The following USP53 variants were observed in gnomAD, a reference collection of about 807,000 sequenced individuals.
USP53 encodes the protein ubiquitin carboxyl-terminal hydrolase 53.
A neutral mutation model predicts 94.9 loss-of-function variants in USP53; 71 were observed. The ratio of observed to expected loss-of-function variants is 0.75; its 90% CI spans 0.62 to 0.91. The LOEUF (loss-of-function observed/expected upper bound fraction) is 0.91. USP53 is among the 40% of genes least tolerant of loss of function. The probability of loss-of-function intolerance (pLI) is 0.00; values close to 1 mark genes in which losing one functional copy is unlikely to be tolerated. For synonymous variants in USP53, 375 were observed against 422.7 expected (o/e 0.89, Z 1.39); for missense variants, 1,173 against 1,281.0 (o/e 0.92, Z 1.29).
chr4:119,248,709 G>A, intron 6 of USP53, 39 bp from the exon 7 acceptor site: 5 of 1,589,684 alleles, frequency 3.1e-6, no homozygotes, highest in Non-Finnish European at 4.3e-6. Flanking sequence ...TGTCGTTAAA[G>A]CTGGCATTAA....
chr4:119,277,904 C>T (rs1281885383), intron 17 of USP53, among the ~76,000 whole-genome samples: 3 of 128,404 alleles, frequency 2.3e-5, no homozygotes, highest in African/African-American at 5.8e-5. Context: ...TCTGTTTTAT[C>T]AGAGACTAGG....
intron 2 of USP53, among the ~76,000 whole-genome samples, chr4:119,216,486 T>C (rs910619317): frequency 6.6e-6 from 1 of 152,310 alleles, no homozygotes. Flanking sequence ...AGTCACTTTA[T>C]CTTTCTTTCT....
rs1031014736 is a variant in USP53, at chr4:119,269,597, A to C, written c.1289-94A>C. ...ATCTACATATCTATGCTCTTTTTAA[A>C]TATATCTTAACATTTTTATATAGAT... On this transcript the variant is annotated intron_variant, in intron 14 of 18. Transcript: ENST00000692078. 5 of 859,890 alleles carry C rather than the reference A, an allele frequency of 5.8e-6. No homozygotes were observed. The African/African-American group carries it at 8.9e-5, about 15-fold the overall frequency. 53.3% of individuals were successfully genotyped at this position (859,890 alleles called of 1,614,324 possible). A position where few individuals can be genotyped will look rare whatever the true frequency, so the allele number is the denominator to read the frequency against.
At chr4:119,242,699 T>G (rs1747702021) in intron 5 of USP53, among the ~76,000 whole-genome samples, 1 of 152,250 alleles carries the variant, frequency 6.6e-6, no homozygotes. Flanking sequence ...CTCATTTACA[T>G]GGCTAATTCT....
At chr4:119,279,981 C>G (rs2149453498) in intron 17 of USP53, among the ~76,000 whole-genome samples, 1 of 152,320 alleles carries the variant, frequency 6.6e-6, no homozygotes. Flanking sequence ...CGCACACCCA[C>G]TGGCCTGCGC....
rs80247858 is a variant in USP53 at position 119,289,475 on chromosome 4, C to T, written c.2252-1690C>T. Among the ~76,000 whole-genome samples, 167 of 152,238 alleles carry T rather than the reference C, an allele frequency of 1.1e-3. 2 individuals are homozygous for T. In the East Asian group the frequency reaches 0.028, roughly 26 times the overall value. Reference sequence around the variant, plus strand: ...CTCTGAAAGGGTCTCGGAGACCTCCCGGGGTCCAAGGCCACACTTCGAGAA... The same window carrying T: ...CTCTGAAAGGGTCTCGGAGACCTCCTGGGGTCCAAGGCCACACTTCGAGAA... On this transcript the variant is annotated intron_variant, in intron 17 of 18. Coordinates refer to ENST00000692078, the MANE Select transcript of USP53 (RefSeq NM_001371395.1).
At chr4:119,268,553 T>A in intron 14 of USP53, 133 bp downstream of exon 14, 6 of 911,932 alleles carry the variant, frequency 6.6e-6, no homozygotes, top group Non-Finnish European at 9.5e-6. Context: ...ATTCGTCTTT[T>A]GATTTATGCA....
At position 119,239,883 on chromosome 4, in the gene USP53, T is replaced by A; in HGVS notation, c.124T>A (p.Phe42Ile). The change falls in exon 5 of 19, where the codon TTT (phenylalanine) becomes ATT (isoleucine). Residue 42 changes from phenylalanine (F) to isoleucine (I), a missense_variant. Transcript: ENST00000692078. Reference sequence around the variant, plus strand: ...AAATGAACCAGGACAAAACAGCTGCTTTCTTAATAGCGCTGTACAGGTGAG... The same window carrying A: ...AAATGAACCAGGACAAAACAGCTGCATTCTTAATAGCGCTGTACAGGTGAG... ...LLNEPGQNSC[F>I]LNSAVQVLWQ... 6.2e-7 allele frequency: 1 copy of A among 1,606,064 alleles called. No homozygotes were observed.
chr4:119,272,352 T>C (rs1166221310), intron 16 of USP53: 5 of 198,376 alleles, frequency 2.5e-5, no homozygotes. Flanking sequence ...CAACAATTGA[T>C]TGGTTTTAAA....
At chr4:119,255,618 C>T (rs764580997) in intron 7 of USP53, among the ~76,000 whole-genome samples, 7 of 152,306 alleles carry the variant, frequency 4.6e-5, no homozygotes, top group East Asian at 1.9e-4. Context: ...CTCAGTATTT[C>T]GGCAGGAGTG....
chr4:119,253,734 G>T (rs1749362889), intron 7 of USP53, among the ~76,000 whole-genome samples: 3 of 152,118 alleles, frequency 2.0e-5, no homozygotes, highest in African/African-American at 7.2e-5. Flanking sequence ...GGTTAATATT[G>T]TTATGTGTGA....
intron 5 of USP53, among the ~76,000 whole-genome samples, chr4:119,241,489 A>G (rs1167735971): frequency 6.9e-6 from 1 of 145,010 alleles, no homozygotes; most frequent in African/African-American, 2.6e-5. Flanking sequence ...ATTTTCACTC[A>G]TTAAAGATGG....
chr4:119,269,584 A>G (rs1443775368), intron 14 of USP53, 107 bp from the exon 15 acceptor site: 3 of 729,164 alleles, frequency 4.1e-6, no homozygotes, highest in Non-Finnish European at 3.9e-6. Context: ...CTACATATCT[A>G]TGCTCTTTTT....
intron 3 of USP53, among the ~76,000 whole-genome samples, chr4:119,223,167 A>C (rs1744778167): frequency 6.6e-6 from 1 of 152,212 alleles, no homozygotes; most frequent in Admixed American, 6.5e-5. Flanking sequence ...TGCCCAATTA[A>C]AGGAAGCTTA....
chr4:119,275,629 G>T (rs897306914), intron 17 of USP53, among the ~76,000 whole-genome samples: 1 of 151,796 alleles, frequency 6.6e-6, no homozygotes, highest in African/African-American at 2.4e-5. Context: ...TTCCAATTCT[G>T]TGAAGAAAGT....
At chr4:119,227,952 C>A (rs778678412) in intron 3 of USP53, among the ~76,000 whole-genome samples, 7 of 152,144 alleles carry the variant, frequency 4.6e-5, no homozygotes, top group Non-Finnish European at 8.8e-5. Context: ...AGTATGAGTC[C>A]ATTTATGAGA....
chr4:119,220,073 A>T (rs1344697199), intron 3 of USP53: 1 of 152,204 alleles, frequency 6.6e-6, no homozygotes, highest in Non-Finnish European at 1.5e-5. Context: ...GCCTTACAGA[A>T]ATTTTAATAA....
intron 17 of USP53, among the ~76,000 whole-genome samples, chr4:119,273,953 T>G (rs921513230): frequency 6.6e-6 from 1 of 151,664 alleles, no homozygotes; most frequent in African/African-American, 2.4e-5. Flanking sequence ...TGCTATACTT[T>G]CCACATTGAC....
intron 3 of USP53, among the ~76,000 whole-genome samples, chr4:119,232,567 C>T (rs1275247816): frequency 1.3e-5 from 2 of 151,944 alleles, no homozygotes; most frequent in Non-Finnish European, 2.9e-5. Flanking sequence ...GGGTTGTTTC[C>T]ACTTTTTGAC....
Sources: gnomAD v4.1 joint callset for allele counts (sites outside exome capture counted in the v4.1 genomes callset) on GRCh38, gnomAD v4.1.1 for gene constraint, MANE v1.5 for transcripts, NCBI Gene and HGNC (gene_info 2026-07-23, HGNC 2026-07-21) for gene names.